Variants in PDE9A observed in about 807,000 individuals in gnomAD.
The protein encoded by PDE9A is high affinity cGMP-specific 3',5'-cyclic phosphodiesterase 9A.
A neutral mutation model predicts 87.4 loss-of-function variants in PDE9A; 60 were observed. That is an observed-to-expected ratio of 0.69 (90% CI 0.56 to 0.85). PDE9A has a LOEUF of 0.85. PDE9A is among the 40% of genes least tolerant of loss of function. The pLI is 0.00. For missense variants in PDE9A, 665 were observed against 779.0 expected (o/e 0.85, Z 1.74); for synonymous variants, 272 against 279.4 (o/e 0.97, Z 0.27).
At chr21:42,738,178 C>G (rs1050390686) in intron 7 of PDE9A, among the ~76,000 whole-genome samples, 11 of 152,212 alleles carry the variant, frequency 7.2e-5, no homozygotes, top group African/African-American at 2.4e-4. Flanking sequence ...GGACCAAAAC[C>G]TAAACACAGC....
At chr21:42,673,891 C>A (rs1049092845) in intron 1 of PDE9A, among the ~76,000 whole-genome samples, 3 of 152,256 alleles carry the variant, frequency 2.0e-5, no homozygotes, top group African/African-American at 7.2e-5. Flanking sequence ...GGTCTCACGG[C>A]AGTGGCCATG....
At chr21:42,758,919 G>T (rs2055368317) in intron 10 of PDE9A, 80 bp from the exon 11 acceptor site, 4 of 1,087,080 alleles carry the variant, frequency 3.7e-6, no homozygotes, top group Non-Finnish European at 5.6e-6. Flanking sequence ...GCACTCCGAG[G>T]ACAGCAGAGG....
intron 3 of PDE9A, among the ~76,000 whole-genome samples, chr21:42,690,285 G>A (rs1444533733): frequency 1.3e-5 from 2 of 149,750 alleles, no homozygotes; most frequent in South Asian, 4.3e-4. Context: ...GTGGAGAAGA[G>A]GAAGTTAGAC....
chr21:42,661,150 G>A (rs558836355), intron 1 of PDE9A, among the ~76,000 whole-genome samples: 1 of 151,618 alleles, frequency 6.6e-6, no homozygotes, highest in Non-Finnish European at 1.5e-5. Flanking sequence ...TCCTGCCTCA[G>A]CCTCCGGAGT....
chr21:42,673,689 G>T (rs1207118452), intron 1 of PDE9A, among the ~76,000 whole-genome samples: 2 of 152,222 alleles, frequency 1.3e-5, no homozygotes, highest in Non-Finnish European at 2.9e-5. Flanking sequence ...CGAGGTGGCA[G>T]CTATAGGCTC....
intron 4 of PDE9A, among the ~76,000 whole-genome samples, chr21:42,720,098 T>C (rs1470360702): frequency 6.6e-6 from 1 of 152,216 alleles, no homozygotes; most frequent in Non-Finnish European, 1.5e-5. Context: ...TGTCAGATAA[T>C]GGACAAAGTC....
rs2058783253 is a variant in PDE9A at position 42,675,204 on chromosome 21, C to T, written c.70-10988C>T. Among the ~76,000 whole-genome samples, 1 of 152,240 alleles carries T rather than the reference C, an allele frequency of 6.6e-6. No homozygotes were observed. The highest frequency in any genetic ancestry group is 1.5e-5 in the Non-Finnish European group (1 of 68,046). Reference sequence around the variant, plus strand: ...ACATCAGCAGCGGTTTCCAATATAGCATTAAATTGTCTTCAAAAACATGAT... The same window carrying T: ...ACATCAGCAGCGGTTTCCAATATAGTATTAAATTGTCTTCAAAAACATGAT... On this transcript the variant is annotated intron_variant, in intron 1 of 19. Transcript: ENST00000291539. The surrounding 1 kb of genome is among the most constrained non-coding windows in gnomAD (Gnocchi z 4.3).
rs368014317 is a variant in PDE9A at position 42,743,605 on chromosome 21, C to G, written c.569-171C>G. Among the ~76,000 whole-genome samples, 3 of 152,152 alleles carry G rather than the reference C, an allele frequency of 2.0e-5. 1 individual carries two copies. The South Asian group carries it at 6.2e-4, about 32-fold the overall frequency. Reference sequence around the variant, plus strand: ...TAGAGTCAGTTGTGGCTGAGCTAAGCGCGGAAGTGCAGGCAAAACCTGAGT... The same window carrying G: ...TAGAGTCAGTTGTGGCTGAGCTAAGGGCGGAAGTGCAGGCAAAACCTGAGT... On this transcript the variant is annotated intron_variant, in intron 7 of 19. Coordinates refer to ENST00000291539, the MANE Select transcript of PDE9A (RefSeq NM_002606.3).
intron 7 of PDE9A, among the ~76,000 whole-genome samples, chr21:42,740,614 GATGGATGGATGAATGGATACATAGATGA>G (rs2053057833): frequency 8.7e-5 from 5 of 57,652 alleles, no homozygotes; most frequent in African/African-American, 1.7e-4. Context: ...TGGATGGATG[GATGGATGGATGAATGGATACATAGATGA>G]ATGGATGGAT....
At chr21:42,768,094 C>T (rs2056579230) in intron 15 of PDE9A, 94 bp from the exon 16 acceptor site, 1 of 781,342 alleles carries the variant, frequency 1.3e-6, no homozygotes, top group Non-Finnish European at 2.3e-6. Flanking sequence ...TCCTCCGTCT[C>T]TTCCTGCCTG....
chr21:42,659,413 C>T lies in PDE9A; in HGVS notation c.69+5530C>T, dbSNP rs9979097. On this transcript the variant is annotated intron_variant, in intron 1 of 19. Transcript: ENST00000291539. This position sits in a 1 kb window ranked among gnomAD's most constrained non-coding sequence, Gnocchi z 4.1. ...CTGAGACGGACAGCCTCGCCTCATC[C>T]GCCTTTCCCACTTGCCAGCCGGGAG... Among the ~76,000 whole-genome samples the T allele has an allele frequency of 0.066, 10,106 of 152,282 alleles. 1,122 individuals carry two copies. The highest frequency in any genetic ancestry group is 0.23 in the African/African-American group (9,477 of 41,518).
chr21:42,670,229 T>G (rs1292988356), intron 1 of PDE9A, among the ~76,000 whole-genome samples: 1 of 61,516 alleles, frequency 1.6e-5, no homozygotes, highest in Non-Finnish European at 2.7e-5. Context: ...ACACATACAC[T>G]TACATTCACA....
Position 42,717,343 on chromosome 21 carries a change from G to C in PDE9A, c.263-14427G>C, listed in dbSNP as rs116382256. 4.3e-3 allele frequency among the ~76,000 whole-genome samples: 519 copies of C among 119,778 alleles called. 4 individuals carry two copies. The highest frequency in any genetic ancestry group is 0.023 in the Middle Eastern group (3 of 130). The allele number at this position is 119,778 out of a possible 152,430, so 78.6% of individuals were successfully genotyped here. A position where few individuals can be genotyped will look rare whatever the true frequency, so the allele number is the denominator to read the frequency against. On this transcript the variant is annotated intron_variant, in intron 4 of 19. Transcript: ENST00000291539. ...AAATGATGTCTTGCTCTGTCGCCCA[G>C]GTTGGAGTGTACAATCAGTTCACTG...
chr21:42,685,295 G>C (rs1438642820), intron 1 of PDE9A, among the ~76,000 whole-genome samples: 4 of 152,208 alleles, frequency 2.6e-5, no homozygotes, highest in Non-Finnish European at 5.9e-5. Flanking sequence ...CCACAGCCCC[G>C]GCGGCACTGG....
intron 3 of PDE9A, 157 bp from the exon 4 acceptor site, chr21:42,698,811 T>C (rs2060280283): frequency 6.0e-6 from 3 of 498,022 alleles, no homozygotes; most frequent in South Asian, 3.8e-5. Flanking sequence ...GTAAGGAAGC[T>C]GAGAACAGTC....
intron 2 of PDE9A, 98 bp from the exon 3 acceptor site, chr21:42,687,819 G>C: frequency 9.6e-7 from 1 of 1,043,862 alleles, no homozygotes; most frequent in South Asian, 1.3e-5. Context: ...TCCTGGGACT[G>C]TCCTGGTTGT....
chr21:42,654,292 CG>C (rs1007666714), intron 1 of PDE9A, among the ~76,000 whole-genome samples: 2 of 152,014 alleles, frequency 1.3e-5, no homozygotes, highest in African/African-American at 4.8e-5. Flanking sequence ...GGGGCGCCGG[CG>C]GGGACACTGC....
chr21:42,699,021 T>A lies in PDE9A; in HGVS notation c.262+10T>A. 6.3e-7 allele frequency: 1 copy of A among 1,599,492 alleles called. No individual in the cohort carries two copies. The highest frequency in any genetic ancestry group is 8.6e-7 in the Non-Finnish European group (1 of 1,166,852). ...ATCAAGCAACTCTCCGGTAAGGCCC[T>A]GCTGTCGTTTTTTAAACTAAAAGAA... On this transcript the variant is annotated intron_variant, in intron 4 of 19. Coordinates refer to ENST00000291539, the MANE Select transcript of PDE9A (RefSeq NM_002606.3).
chr21:42,760,501 G>T lies in PDE9A; in HGVS notation c.1002+69G>T. On this transcript the variant is annotated intron_variant, in intron 12 of 19. Coordinates refer to ENST00000291539, the MANE Select transcript of PDE9A (RefSeq NM_002606.3). This position sits in a 1 kb window ranked among gnomAD's most constrained non-coding sequence, Gnocchi z 5.2. ...TCAGACGGAGGCCCCCTTCCAGGGA[G>T]CGGCAGCCCCATCCCACCAAGAGAG... The T allele has an allele frequency of 1.0e-6, 1 of 981,652 alleles. No homozygotes were observed. The highest frequency in any genetic ancestry group is 1.6e-6 in the Non-Finnish European group (1 of 639,354). 60.8% of individuals were successfully genotyped at this position (981,652 alleles called of 1,614,324 possible).
Sources: gnomAD v4.1 joint callset for allele counts (sites outside exome capture counted in the v4.1 genomes callset) on GRCh38, gnomAD v4.1.1 for gene constraint, Gnocchi (gnomAD v3.1) non-coding constraint, MANE v1.5 for transcripts, NCBI Gene and HGNC (gene_info 2026-07-23, HGNC 2026-07-21) for gene names.